Variants in LRIG1 observed in about 807,000 individuals in gnomAD.
LRIG1 encodes the protein leucine rich repeats and immunoglobulin like domains 1.
A neutral mutation model predicts 99.2 loss-of-function variants in LRIG1; 48 were observed. The ratio of observed to expected loss-of-function variants is 0.48; its 90% CI spans 0.38 to 0.62. The LOEUF (loss-of-function observed/expected upper bound fraction) is 0.62. Ranked by LOEUF, LRIG1 falls within the 20% of genes least tolerant of loss-of-function variation. The probability of loss-of-function intolerance (pLI) is 0.00; values close to 1 mark genes in which losing one functional copy is unlikely to be tolerated. For synonymous variants in LRIG1, 772 were observed against 596.1 expected (o/e 1.29, Z -4.30); for missense variants, 1,646 against 1,434.4 (o/e 1.15, Z -2.38).
chr3:66,492,170 T>G (rs971054692), intron 1 of LRIG1, among the ~76,000 whole-genome samples: 2 of 152,218 alleles, frequency 1.3e-5, no homozygotes, highest in African/African-American at 4.8e-5. Context: ...ACTACAAGAT[T>G]TGAAACAACA....
Position 66,380,241 on chromosome 3 carries a change from C to G in LRIG1, c.*22G>C, listed in dbSNP as rs1700954988. On this transcript the variant is annotated 3_prime_UTR_variant, in exon 19 of 19. Coordinates refer to ENST00000273261, the MANE Select transcript of LRIG1 (RefSeq NM_015541.3). ...CTCTTTCCCGTAGAGATTGGTATGA[C>G]AAGAACTGAGGTAGACAAAACCTAG... is the stretch of plus-strand genomic sequence containing the variant. 6.3e-7 allele frequency: 1 copy of G among 1,590,400 alleles called. No homozygotes were observed. Among genetic ancestry groups the G allele is most frequent in the Middle Eastern group, 1.7e-4 (1 of 5,958 alleles).
At chr3:66,480,201 G>A (rs1468694642) in intron 1 of LRIG1, among the ~76,000 whole-genome samples, 2 of 152,184 alleles carry the variant, frequency 1.3e-5, no homozygotes, top group East Asian at 3.9e-4. Flanking sequence ...AAGTAACTAA[G>A]TAAAAGAAAG....
At chr3:66,429,119 G>C (rs1703073510) in intron 3 of LRIG1, among the ~76,000 whole-genome samples, 1 of 152,148 alleles carries the variant, frequency 6.6e-6, no homozygotes, top group Non-Finnish European at 1.5e-5. Flanking sequence ...CCTCCCCTTT[G>C]GGTCTTCAAC....
At chr3:66,454,196 G>A (rs564668636) in intron 2 of LRIG1, among the ~76,000 whole-genome samples, 9 of 152,186 alleles carry the variant, frequency 5.9e-5, no homozygotes, top group Non-Finnish European at 2.9e-5. Flanking sequence ...AAAAAGAACC[G>A]CTATTCAGAG....
chr3:66,407,660 A>G (rs964733884), intron 7 of LRIG1, among the ~76,000 whole-genome samples, 169 bp from the exon 8 acceptor site: 1 of 152,232 alleles, frequency 6.6e-6, no homozygotes, highest in Non-Finnish European at 1.5e-5. Context: ...CCTGGGGGTA[A>G]AAGTGGCCAT....
chr3:66,499,466 C>A (rs1354167087), intron 1 of LRIG1, among the ~76,000 whole-genome samples: 2 of 152,190 alleles, frequency 1.3e-5, no homozygotes, highest in Admixed American at 6.5e-5. Context: ...AGGGAACACA[C>A]AGGAAGGGTC....
At chr3:66,499,092 A>T (rs1701292845) in intron 1 of LRIG1, among the ~76,000 whole-genome samples, 1 of 152,242 alleles carries the variant, frequency 6.6e-6, no homozygotes, top group Non-Finnish European at 1.5e-5. Flanking sequence ...CCTTTTCTGG[A>T]AAGGTACTAA....
At chr3:66,417,515 A>G in intron 3 of LRIG1, 1 of 478,156 alleles carries the variant, frequency 2.1e-6, no homozygotes, top group East Asian at 3.9e-5. Flanking sequence ...AAGGGCAACA[A>G]CACAGCAGTG....
At chr3:66,420,481 A>G (rs1182717079) in intron 3 of LRIG1, among the ~76,000 whole-genome samples, 1 of 152,196 alleles carries the variant, frequency 6.6e-6, no homozygotes, top group Non-Finnish European at 1.5e-5. Flanking sequence ...AAATAACTGA[A>G]AGCAGACCTC....
intron 3 of LRIG1, among the ~76,000 whole-genome samples, chr3:66,436,571 C>A (rs577160912): frequency 6.6e-6 from 1 of 152,212 alleles, no homozygotes; most frequent in Non-Finnish European, 1.5e-5. Context: ...GTCTCTCCCC[C>A]TCATTTGAGG....
chr3:66,425,276 A>T (rs1047057025), intron 3 of LRIG1, among the ~76,000 whole-genome samples: 3 of 152,234 alleles, frequency 2.0e-5, no homozygotes, highest in Admixed American at 6.5e-5. Context: ...TCTGAACATT[A>T]GCTGGCCATT....
chr3:66,497,639 A>G (rs1205918855), intron 1 of LRIG1, among the ~76,000 whole-genome samples: 1 of 133,562 alleles, frequency 7.5e-6, no homozygotes, highest in East Asian at 2.4e-4. Flanking sequence ...TACATTCACT[A>G]TTTAAAAGTT....
At chr3:66,458,177 G>GC in intron 2 of LRIG1, among the ~76,000 whole-genome samples, 1 of 152,114 alleles carries the variant, frequency 6.6e-6, no homozygotes, top group Non-Finnish European at 1.5e-5. Context: ...AGTGCATGGT[G>GC]CAAACATGGC....
chr3:66,438,899 G>A (rs1703451335), intron 3 of LRIG1, among the ~76,000 whole-genome samples: 1 of 152,220 alleles, frequency 6.6e-6, no homozygotes, highest in Admixed American at 6.5e-5. Context: ...CCAAGGCAGG[G>A]AATGCACATC....
intron 1 of LRIG1, among the ~76,000 whole-genome samples, chr3:66,470,265 A>G (rs1700567526): frequency 6.6e-6 from 1 of 152,158 alleles, no homozygotes; most frequent in African/African-American, 2.4e-5. Flanking sequence ...CCGAGATCTG[A>G]GTTTGTCATC....
chr3:66,462,327 C>T, intron 2 of LRIG1, 111 bp downstream of exon 2: 1 of 764,692 alleles, frequency 1.3e-6, no homozygotes, highest in South Asian at 1.5e-5. Context: ...ATGTTCCTTC[C>T]TACAAGTTTA....
intron 11 of LRIG1, among the ~76,000 whole-genome samples, 154 bp from the exon 12 acceptor site, chr3:66,394,357 A>G (rs896416788): frequency 2.0e-5 from 3 of 152,306 alleles, no homozygotes; most frequent in African/African-American, 4.8e-5. Context: ...TTCCTCTCCA[A>G]TTTCCCAGGG....
At chr3:66,436,211 G>A (rs182924194) in intron 3 of LRIG1, among the ~76,000 whole-genome samples, 1 of 152,182 alleles carries the variant, frequency 6.6e-6, no homozygotes, top group Non-Finnish European at 1.5e-5. Flanking sequence ...GGCCAAGGAA[G>A]ACGTGCCAGA....
intron 1 of LRIG1, 40 bp from the exon 2 acceptor site, chr3:66,462,549 C>G (rs1175034826): frequency 8.7e-6 from 12 of 1,383,510 alleles, no homozygotes; most frequent in Non-Finnish European, 1.2e-5. Context: ...AATCAACAAC[C>G]TGGCATCATA....
Sources: gnomAD v4.1 joint callset for allele counts (sites outside exome capture counted in the v4.1 genomes callset) on GRCh38, gnomAD v4.1.1 for gene constraint, MANE v1.5 for transcripts, NCBI Gene and HGNC (gene_info 2026-07-23, HGNC 2026-07-21) for gene names.